EIF5: variants seen among roughly 807,000 people sequenced by gnomAD.
EIF5 encodes the protein eukaryotic translation initiation factor 5.
EIF5 carries 10 observed loss-of-function variants against 48.3 expected under a neutral mutation model. The observed-to-expected ratio is 0.21, with a 90% CI of 0.13 to 0.35. The LOEUF is 0.35. EIF5 is among the 10% of genes least tolerant of loss of function. EIF5 has a pLI of 1.00. For missense variants in EIF5, 397 were observed against 533.2 expected (o/e 0.74, Z 2.51); for synonymous variants, 237 against 173.1 (o/e 1.37, Z -2.90).
At chr14:103,337,296 GT>G in intron 6 of EIF5, 69 bp downstream of exon 6, 15 of 1,361,388 alleles carry the variant, frequency 1.1e-5, no homozygotes, top group South Asian at 3.9e-5. Context: ...AAAATAGAAG[GT>G]TTTTTTGTAA....
rs115608305 is a variant in EIF5, at chr14:103,337,313, A to G, written c.439+86A>G. 9.5e-4 allele frequency: 1,123 copies of G among 1,185,470 alleles called. 11 individuals are homozygous for G. In the African/African-American group the frequency reaches 0.016, roughly 17 times the overall value. The allele number at this position is 1,185,470 out of a possible 1,614,324, so 73.4% of individuals were successfully genotyped here. ...AATAGAAGGTTTTTTTGTAATAGGA[A>G]TGTAAGGGAGACTGGGCACGGTGGC... is the stretch of plus-strand genomic sequence containing the variant. On this transcript the variant is annotated intron_variant, in intron 6 of 11. Coordinates refer to ENST00000216554, the MANE Select transcript of EIF5 (RefSeq NM_001969.5).
At position 103,343,896 on chromosome 14, in the gene EIF5, A is replaced by G. The variant is rs2089382975; in HGVS notation, c.*2844A>G. Reference sequence around the variant, plus strand: ...CTAACCAGCTATTTTCTTAATTGCTACAGCTTGACCTACCAGTATTCCGGA... The same window carrying G: ...CTAACCAGCTATTTTCTTAATTGCTGCAGCTTGACCTACCAGTATTCCGGA... On this transcript the variant is annotated 3_prime_UTR_variant, in exon 12 of 12. Transcript: ENST00000216554. The G allele has an allele frequency of 1.3e-5, 2 of 152,218 alleles. No individual in the cohort carries two copies. Among genetic ancestry groups the G allele is most frequent in the African/African-American group, 4.8e-5 (2 of 41,464 alleles). The allele number at this position is 152,218 out of a possible 1,614,324, so 9.4% of individuals were successfully genotyped here. A position where few individuals can be genotyped will look rare whatever the true frequency, so the allele number is the denominator to read the frequency against.
chr14:103,338,952 A>T, intron 8 of EIF5, 59 bp downstream of exon 8: 1 of 1,579,738 alleles, frequency 6.3e-7, no homozygotes, highest in South Asian at 1.2e-5. Flanking sequence ...GTGCCTTTAG[A>T]TATATGATAC....
At chr14:103,336,216 C>G in intron 4 of EIF5, 99 bp downstream of exon 4, 1 of 1,194,200 alleles carries the variant, frequency 8.4e-7, no homozygotes, top group Non-Finnish European at 1.2e-6. Flanking sequence ...TAGCTAATTA[C>G]CTTACAAGTT....
Position 103,336,851 on chromosome 14 carries a change from T to C in EIF5, c.327+2T>C. On this transcript the variant is annotated splice_donor_variant, in intron 5 of 11. Coordinates refer to ENST00000216554, the MANE Select transcript of EIF5 (RefSeq NM_001969.5). LOFTEE classifies it high-confidence loss of function. ...TGTGAGAATCCTGAAACAGATTTGG[T>C]AAGTGCTTTTGTGGTTGTCGAAAGA... 6.2e-7 allele frequency: 1 copy of C among 1,611,664 alleles called. No individual in the cohort carries two copies. The highest frequency in any genetic ancestry group is 8.5e-7 in the Non-Finnish European group (1 of 1,179,220).
rs1014561142 is a variant in EIF5 at position 103,335,678 on chromosome 14, G to A, written c.-183G>A. ...AGCTGTTGCGCAGCCATTGGTACCT[G>A]TATTGGGGAAACATAGCATACAAGC... On this transcript the variant is annotated 5_prime_UTR_variant, in exon 3 of 12. Transcript: ENST00000216554. 1.6e-6 allele frequency: 1 copy of A among 617,346 alleles called. No homozygotes were observed. Among genetic ancestry groups the A allele is most frequent in the African/African-American group, 1.8e-5 (1 of 54,166 alleles). The allele number at this position is 617,346 out of a possible 1,614,324, so 38.2% of individuals were successfully genotyped here. A position where few individuals can be genotyped will look rare whatever the true frequency, so the allele number is the denominator to read the frequency against.
At chr14:103,339,405 T>C (rs1450339308) in intron 9 of EIF5, 72 bp downstream of exon 9, 35 of 1,528,142 alleles carry the variant, frequency 2.3e-5, no homozygotes, top group Non-Finnish European at 3.1e-5. Context: ...TATTAACCAC[T>C]TTTGCTTGTC....
intron 8 of EIF5, 87 bp downstream of exon 8, chr14:103,338,980 G>A (rs924285139): frequency 1.3e-5 from 20 of 1,526,794 alleles, no homozygotes; most frequent in Non-Finnish European, 1.7e-5. Flanking sequence ...GTGTAATTAG[G>A]ATTACTCTAA....
intron 6 of EIF5, chr14:103,337,902 T>C (rs1240218258): frequency 5.7e-6 from 3 of 522,644 alleles, no homozygotes; most frequent in African/African-American, 3.8e-5. Flanking sequence ...TTGAGCTTGC[T>C]ATAGCAAGAA....
At chr14:103,337,043 C>G (rs1016015998) in intron 5 of EIF5, 73 bp from the exon 6 acceptor site, 3 of 1,422,980 alleles carry the variant, frequency 2.1e-6, no homozygotes, top group Non-Finnish European at 2.9e-6. Context: ...GTGAAGCTGT[C>G]TGTGGTTTAG....
rs2089319980 is a variant in EIF5, at chr14:103,338,861, G to C, written c.712G>C (p.Glu238Gln). The change falls in exon 8 of 12, where the codon GAG becomes CAG. Residue 238 changes from glutamate to glutamine, a missense_variant. By Grantham distance (29) the Glu-to-Gln change is conservative. Around this residue, in one of 4 missense-constraint regions of EIF5, gnomAD observed 126 missense variants for 141.9 expected, o/e 0.89. Transcript: ENST00000216554. ...LSDDLERTIE[E>Q]RVNILFDFVK... ...TGATGATTTGGAAAGAACAATTGAG[G>C]AGAGGGTCAATATCCTCTTTGATTT... 2.5e-6 allele frequency: 4 copies of C among 1,614,182 alleles called. No homozygotes were observed. The South Asian group carries it at 4.4e-5, about 18-fold the overall frequency.
chr14:103,340,407 C>T lies in EIF5; in HGVS notation c.1072-20C>T, dbSNP rs767633049. 7 of 1,594,080 alleles carry T rather than the reference C, an allele frequency of 4.4e-6. No homozygotes were observed. Among genetic ancestry groups the T allele is most frequent in the South Asian group, 2.2e-5 (2 of 90,352 alleles). On this transcript the variant is annotated intron_variant, in intron 10 of 11. Coordinates refer to ENST00000216554, the MANE Select transcript of EIF5 (RefSeq NM_001969.5). ...TTGTTAAAATTCCTCAACTAAGAGA[C>T]TTGTACTCACATTTTTTAGGCCTCT...
rs760489465 is a variant in EIF5 at position 103,339,654 on chromosome 14, A to T, written c.922A>T (p.Lys308Ter). The change falls in exon 10 of 12, where the codon AAA (lysine) becomes TAA (stop). Residue 308 changes from lysine to a stop codon, truncating the protein, a stop_gained. Coordinates refer to ENST00000216554, the MANE Select transcript of EIF5 (RefSeq NM_001969.5). LOFTEE classifies it high-confidence loss of function. ...RHFLRFCHNN[K>*]KAQRYLLHGL... is the part of the protein sequence containing the mutation. ...CTATTTGCAGTTTTGTCACAACAAC[A>T]AAAAAGCCCAACGGTACCTTCTTCA... 1 of 1,614,168 alleles carries T rather than the reference A, an allele frequency of 6.2e-7. No individual in the cohort carries two copies. The highest frequency in any genetic ancestry group is 1.1e-5 in the South Asian group (1 of 91,080).
chr14:103,340,809 A>C (rs2089344684), intron 11 of EIF5, among the ~76,000 whole-genome samples, 154 bp from the exon 12 acceptor site: 1 of 152,234 alleles, frequency 6.6e-6, no homozygotes, highest in South Asian at 2.1e-4. Context: ...GAGCCTGTGT[A>C]AGAGAACTTG....
Position 103,338,889 on chromosome 14 carries a change from T to C in EIF5, c.740T>C (p.Val247Ala). The change falls in exon 8 of 12, where the codon GTT becomes GCT. Residue 247 changes from valine to alanine, a missense_variant. By Grantham distance (64) the Val-to-Ala change is moderately conservative (BLOSUM62 0). Around this residue, in one of 4 missense-constraint regions of EIF5, gnomAD observed 126 missense variants for 141.9 expected, o/e 0.89. Transcript: ENST00000216554. ...AGGGTCAATATCCTCTTTGATTTTGTTAAGGTAAAACATTTGCTTGGTCTG... is the reference window on the plus strand; with the variant it reads ...AGGGTCAATATCCTCTTTGATTTTGCTAAGGTAAAACATTTGCTTGGTCTG... ...EERVNILFDF[V>A]KKKKEEGVID... 1 of 1,613,588 alleles carries C rather than the reference T, an allele frequency of 6.2e-7. No individual in the cohort carries two copies. The highest frequency in any genetic ancestry group is 8.5e-7 in the Non-Finnish European group (1 of 1,179,828).
intron 6 of EIF5, chr14:103,338,060 T>G: frequency 1.7e-6 from 1 of 586,308 alleles, no homozygotes; most frequent in Non-Finnish European, 3.1e-6. Context: ...CTCTCCCTAG[T>G]GGAGGCATCA....
rs1595362873 is a variant in EIF5 at position 103,336,926 on chromosome 14, A to C, written c.327+77A>C. On this transcript the variant is annotated intron_variant, in intron 5 of 11. Coordinates refer to ENST00000216554, the MANE Select transcript of EIF5 (RefSeq NM_001969.5). ...ATACCGCTAAGTCACCTTCCTGAGA[A>C]GGCAGAGCAAATGTAATTTTAAATC... The C allele has an allele frequency of 5.4e-6, 8 of 1,490,548 alleles. No homozygotes were observed. In the South Asian group the frequency reaches 1.1e-4, roughly 20 times the overall value. 92.3% of individuals were successfully genotyped at this position (1,490,548 alleles called of 1,614,324 possible). A position where few individuals can be genotyped will look rare whatever the true frequency, so the allele number is the denominator to read the frequency against.
At chr14:103,338,919 T>G (rs1430422472) in intron 8 of EIF5, 26 bp downstream of exon 8, 11 of 1,609,066 alleles carry the variant, frequency 6.8e-6, no homozygotes, top group Non-Finnish European at 9.3e-6. Flanking sequence ...GGTCTGTAAA[T>G]CAGCTTCAAC....
At chr14:103,337,275 C>T in intron 6 of EIF5, 48 bp downstream of exon 6, 3 of 1,478,102 alleles carry the variant, frequency 2.0e-6, no homozygotes, top group South Asian at 1.2e-5. Flanking sequence ...AAGTTACTAA[C>T]TGTTGGGAAC....
Sources: gnomAD v4.1 joint callset for allele counts (sites outside exome capture counted in the v4.1 genomes callset) on GRCh38, gnomAD v4.1.1 for gene constraint, gnomAD v4.1.1 regional missense constraint, MANE v1.5 for transcripts, NCBI Gene and HGNC (gene_info 2026-07-23, HGNC 2026-07-21) for gene names.